LCMT1: variants seen among roughly 807,000 people sequenced by gnomAD.
The protein encoded by LCMT1 is [Phosphatase 2A protein]-leucine-carboxy methyltransferase 1.
In LCMT1, 32 loss-of-function variants were observed where a neutral mutation model predicts 47.7. That is an observed-to-expected ratio of 0.67 (90% CI 0.51 to 0.90). The LOEUF is 0.90. Among genes scored for constraint, LCMT1 ranks in the 40% least tolerant of loss-of-function variants. The pLI is 0.00. For synonymous variants in LCMT1, 152 were observed against 149.7 expected (o/e 1.02, Z -0.11); for missense variants, 375 against 415.2 (o/e 0.90, Z 0.84).
chr16:25,135,284 A>AATAT (rs779986194), intron 3 of LCMT1, among the ~76,000 whole-genome samples: 4,464 of 140,536 alleles, frequency 0.032, 81 homozygotes, highest in African/African-American at 0.044. Flanking sequence ...TTTCTTTTAA[A>AATAT]ATATATATCT....
At chr16:25,132,150 C>CTA (rs1960365387) in intron 2 of LCMT1, 1 of 501,554 alleles carries the variant, frequency 2.0e-6, no homozygotes, top group African/African-American at 1.9e-5. Context: ...ATACATAAAA[C>CTA]TATAGCTCAT....
intron 1 of LCMT1, among the ~76,000 whole-genome samples, chr16:25,119,202 A>G (rs1343747982): frequency 2.0e-5 from 3 of 152,142 alleles, no homozygotes; most frequent in Admixed American, 1.3e-4. Context: ...TGAGGGGCCC[A>G]AGATGACTCC....
chr16:25,163,415 G>C (rs1455304624), intron 6 of LCMT1, among the ~76,000 whole-genome samples: 3 of 148,602 alleles, frequency 2.0e-5, no homozygotes, highest in Non-Finnish European at 4.4e-5. Context: ...GTTGCAGTGA[G>C]CTGAGATCGT....
At chr16:25,113,568 G>A (rs1399830319) in intron 1 of LCMT1, among the ~76,000 whole-genome samples, 1 of 152,230 alleles carries the variant, frequency 6.6e-6, no homozygotes, top group Non-Finnish European at 1.5e-5. Context: ...GTCCATGTAA[G>A]TGGTGATTGA....
At chr16:25,169,311 C>T (rs1171290486) in intron 8 of LCMT1, 98 bp downstream of exon 8, 1 of 777,628 alleles carries the variant, frequency 1.3e-6, no homozygotes, top group Non-Finnish European at 2.2e-6. Context: ...AAGCCCTGTT[C>T]AGTGCCTGTC....
At chr16:25,144,891 A>G (rs1401729182) in intron 4 of LCMT1, 2 of 152,208 alleles carry the variant, frequency 1.3e-5, no homozygotes, top group Non-Finnish European at 1.5e-5. Context: ...CAAACATACA[A>G]GGTAAGTGGT....
At chr16:25,140,304 A>C in intron 4 of LCMT1, 57 bp downstream of exon 4, 28 of 1,263,894 alleles carry the variant, frequency 2.2e-5, no homozygotes, top group Non-Finnish European at 2.9e-5. Flanking sequence ...TCCAGCTCTC[A>C]AGAGATGGCA....
intron 6 of LCMT1, among the ~76,000 whole-genome samples, chr16:25,162,020 C>T (rs570243087): frequency 6.6e-6 from 1 of 152,150 alleles, no homozygotes; most frequent in African/African-American, 2.4e-5. Context: ...ATGATAATGC[C>T]ACTGCTGGCA....
intron 9 of LCMT1, 134 bp from the exon 10 acceptor site, chr16:25,174,803 C>T: frequency 2.3e-6 from 1 of 442,696 alleles, no homozygotes; most frequent in Non-Finnish European, 4.0e-6. Flanking sequence ...GGAGCCACAC[C>T]ATAATTACTA....
chr16:25,154,761 A>G (rs1597592410), intron 5 of LCMT1, among the ~76,000 whole-genome samples: 1 of 152,164 alleles, frequency 6.6e-6, no homozygotes, highest in East Asian at 1.9e-4. Context: ...GTGCGGGATT[A>G]TAGGTGTGAG....
chr16:25,170,214 C>T (rs1014317929), intron 8 of LCMT1, among the ~76,000 whole-genome samples: 5 of 149,996 alleles, frequency 3.3e-5, no homozygotes, highest in Non-Finnish European at 4.4e-5. Flanking sequence ...AGTGAGCCTC[C>T]GTCTCAAAAA....
At chr16:25,139,354 C>G (rs1277181001) in intron 3 of LCMT1, among the ~76,000 whole-genome samples, 1 of 151,960 alleles carries the variant, frequency 6.6e-6, no homozygotes, top group African/African-American at 2.4e-5. Flanking sequence ...ACTTCACTAT[C>G]ACAGAGAAAA....
chr16:25,116,322 C>T (rs986121392), intron 1 of LCMT1, among the ~76,000 whole-genome samples: 1 of 152,200 alleles, frequency 6.6e-6, no homozygotes. Context: ...ACAGTCACTT[C>T]TATCAGCTGG....
chr16:25,119,642 TC>T (rs34551656), intron 1 of LCMT1, among the ~76,000 whole-genome samples: 4 of 152,110 alleles, frequency 2.6e-5, no homozygotes, highest in Non-Finnish European at 5.9e-5. Context: ...AAAAATGTTC[TC>T]CCCTTTAGCA....
At chr16:25,126,071 T>C (rs1170695057) in intron 1 of LCMT1, 1 of 1,351,376 alleles carries the variant, frequency 7.4e-7, no homozygotes, top group Non-Finnish European at 9.8e-7. Context: ...GAGGTCCTTC[T>C]TCCTAGGGCG....
chr16:25,130,785 A>G (rs1333609727), intron 2 of LCMT1, among the ~76,000 whole-genome samples: 1 of 152,208 alleles, frequency 6.6e-6, no homozygotes, highest in African/African-American at 2.4e-5. Context: ...ATGGTTTCAG[A>G]TGCCTGCCCC....
intron 3 of LCMT1, among the ~76,000 whole-genome samples, chr16:25,137,650 C>G (rs1960542480): frequency 6.7e-6 from 1 of 150,358 alleles, no homozygotes; most frequent in African/African-American, 2.5e-5. Context: ...TGCTGTGTTG[C>G]CCAGGCTGGT....
intron 3 of LCMT1, among the ~76,000 whole-genome samples, chr16:25,132,756 TAAAA>T (rs1337633226): frequency 6.6e-6 from 1 of 151,902 alleles, no homozygotes; most frequent in Non-Finnish European, 1.5e-5. Flanking sequence ...GGAGCTATAA[TAAAA>T]ATCCTTATAT....
At chr16:25,177,924 T>C (rs1447725904) in intron 10 of LCMT1, 77 bp from the exon 11 acceptor site, 1 of 1,297,978 alleles carries the variant, frequency 7.7e-7, no homozygotes, top group African/African-American at 1.5e-5. Flanking sequence ...CCTGAGCCGG[T>C]CACTGGGGGT....
Sources: gnomAD v4.1 joint callset for allele counts (sites outside exome capture counted in the v4.1 genomes callset) on GRCh38, gnomAD v4.1.1 for gene constraint, MANE v1.5 for transcripts, NCBI Gene and HGNC (gene_info 2026-07-23, HGNC 2026-07-21) for gene names.